The following TIAM2 variants were observed in gnomAD, a reference collection of about 807,000 sequenced individuals.
The protein encoded by TIAM2 is TIAM Rac1 associated GEF 2.
Under a neutral mutation model 152.9 loss-of-function variants are expected in TIAM2, and 80 were observed. That is an observed-to-expected ratio of 0.52 (90% CI 0.44 to 0.63). TIAM2 has a LOEUF of 0.63. Ranked by LOEUF, TIAM2 falls within the 30% of genes least tolerant of loss-of-function variation. The probability of loss-of-function intolerance (pLI) is 0.00; values close to 1 mark genes in which losing one functional copy is unlikely to be tolerated. For missense variants in TIAM2, 1,965 were observed against 2,120.1 expected (o/e 0.93, Z 1.44); for synonymous variants, 804 against 838.0 (o/e 0.96, Z 0.70).
intron 2 of TIAM2, among the ~76,000 whole-genome samples, chr6:155,123,498 G>A (rs1562323656): frequency 6.6e-6 from 1 of 152,216 alleles, no homozygotes; most frequent in African/African-American, 2.4e-5. Context: ...ACAGCATCCA[G>A]TAGAGGATGG....
intron 14 of TIAM2, among the ~76,000 whole-genome samples, chr6:155,195,088 A>G (rs1781307054): frequency 6.6e-6 from 1 of 152,202 alleles, no homozygotes; most frequent in Non-Finnish European, 1.5e-5. Context: ...AGTCTCAGGT[A>G]TGTCTTTATT....
At chr6:155,055,358 G>C (rs9384274) in intron 1 of TIAM2, among the ~76,000 whole-genome samples, 37,308 of 152,054 alleles carry the variant, frequency 0.25, 4,781 homozygotes, top group East Asian at 0.36. Context: ...AGGACATGCC[G>C]ATTACTTGTG....
chr6:155,116,767 A>G (rs572186834), intron 2 of TIAM2, among the ~76,000 whole-genome samples: 2 of 152,318 alleles, frequency 1.3e-5, no homozygotes, highest in African/African-American at 4.8e-5. Flanking sequence ...GTGCTTACCC[A>G]GGCCTAAGCT....
intron 1 of TIAM2, among the ~76,000 whole-genome samples, chr6:155,000,792 T>G (rs931866747): frequency 2.6e-5 from 4 of 152,208 alleles, no homozygotes; most frequent in Non-Finnish European, 5.9e-5. Context: ...AAGACCAGCC[T>G]GGCCAACATG....
chr6:155,168,767 T>C (rs1014614567), intron 9 of TIAM2: 10 of 1,252,338 alleles, frequency 8.0e-6, no homozygotes, highest in African/African-American at 4.6e-5. Context: ...CTTTAGTTTT[T>C]AAATAATGAA....
intron 7 of TIAM2, among the ~76,000 whole-genome samples, chr6:155,149,587 T>C: frequency 6.6e-6 from 1 of 152,204 alleles, no homozygotes; most frequent in South Asian, 2.1e-4. Flanking sequence ...GTCTGAATGT[T>C]TAACCTTGTT....
At chr6:155,104,986 T>C (rs1778648925) in intron 2 of TIAM2, among the ~76,000 whole-genome samples, 1 of 152,130 alleles carries the variant, frequency 6.6e-6, no homozygotes, top group Non-Finnish European at 1.5e-5. Context: ...AGATAGGGTC[T>C]CAGTCTGTCA....
At chr6:155,176,245 A>AT (rs1780754982) in intron 9 of TIAM2, among the ~76,000 whole-genome samples, 1 of 151,882 alleles carries the variant, frequency 6.6e-6, no homozygotes, top group African/African-American at 2.4e-5. Flanking sequence ...TTCTTTTTTT[A>AT]TTTTTTGAGA....
intron 1 of TIAM2, among the ~76,000 whole-genome samples, chr6:155,047,536 C>G (rs982068274): frequency 1.3e-5 from 2 of 152,004 alleles, no homozygotes; most frequent in Non-Finnish European, 2.9e-5. Flanking sequence ...GAAATCCTAT[C>G]GCCACACCAC....
intron 1 of TIAM2, among the ~76,000 whole-genome samples, chr6:155,071,247 G>A (rs972684451): frequency 6.6e-6 from 1 of 152,178 alleles, no homozygotes; most frequent in African/African-American, 2.4e-5. Context: ...TTATGTGTTG[G>A]CTTTCCAGAC....
intron 2 of TIAM2, among the ~76,000 whole-genome samples, chr6:155,117,513 G>A (rs1338449771): frequency 3.3e-5 from 5 of 152,146 alleles, no homozygotes; most frequent in African/African-American, 1.2e-4. Flanking sequence ...CGCCATCTCG[G>A]CTCGCTGCAA....
At chr6:155,041,089 G>A (rs1020133859) in intron 1 of TIAM2, among the ~76,000 whole-genome samples, 2 of 152,022 alleles carry the variant, frequency 1.3e-5, no homozygotes, top group African/African-American at 2.4e-5. Flanking sequence ...AGTGCCAGGG[G>A]CTCTTGGATA....
intron 7 of TIAM2, among the ~76,000 whole-genome samples, chr6:155,162,210 G>A (rs1405746591): frequency 4.0e-5 from 6 of 151,886 alleles, no homozygotes; most frequent in Non-Finnish European, 5.9e-5. Flanking sequence ...TGCCCACCTC[G>A]GCCTCTCCAA....
intron 2 of TIAM2, among the ~76,000 whole-genome samples, chr6:155,119,082 T>C (rs985167297): frequency 1.3e-5 from 2 of 151,956 alleles, no homozygotes; most frequent in Non-Finnish European, 2.9e-5. Context: ...TTGCTCAGGC[T>C]GGAGTGCAGT....
intron 1 of TIAM2, among the ~76,000 whole-genome samples, chr6:155,030,263 T>C (rs1776798538): frequency 6.6e-6 from 1 of 152,110 alleles, no homozygotes; most frequent in South Asian, 2.1e-4. Context: ...GTTGAACATC[T>C]TGGAAAGAGA....
At chr6:155,006,520 AC>A (rs1362815667) in intron 1 of TIAM2, among the ~76,000 whole-genome samples, 1 of 151,504 alleles carries the variant, frequency 6.6e-6, no homozygotes, top group African/African-American at 2.4e-5. Context: ...TACAAAAATT[AC>A]CGGGTGTGGT....
intron 7 of TIAM2, among the ~76,000 whole-genome samples, chr6:155,154,968 G>A (rs1780070359): frequency 1.3e-5 from 2 of 152,186 alleles, no homozygotes; most frequent in South Asian, 4.1e-4. Context: ...ATACTGTGGT[G>A]TATTTCTGGA....
At chr6:155,059,918 T>A (rs1217787389) in intron 1 of TIAM2, among the ~76,000 whole-genome samples, 1 of 152,150 alleles carries the variant, frequency 6.6e-6, no homozygotes, top group Non-Finnish European at 1.5e-5. Context: ...GTGAAATAAT[T>A]TGTGGTCATA....
At chr6:155,184,568 C>T (rs1234275312) in intron 14 of TIAM2, among the ~76,000 whole-genome samples, 1 of 152,132 alleles carries the variant, frequency 6.6e-6, no homozygotes, top group East Asian at 1.9e-4. Context: ...GGTCTTTTTC[C>T]TGGGAGAACA....
Sources: gnomAD v4.1 joint callset for allele counts (sites outside exome capture counted in the v4.1 genomes callset) on GRCh38, gnomAD v4.1.1 for gene constraint, MANE v1.5 for transcripts, NCBI Gene and HGNC (gene_info 2026-07-23, HGNC 2026-07-21) for gene names.